MGAT3: variants seen among roughly 807,000 people sequenced by gnomAD.
MGAT3 encodes the protein GlcNAc-T III.
In MGAT3, 9 loss-of-function variants were observed where a neutral mutation model predicts 29.8. The observed-to-expected ratio is 0.30, with a 90% CI of 0.18 to 0.53. The LOEUF (loss-of-function observed/expected upper bound fraction) is 0.53. MGAT3 is among the 20% of genes least tolerant of loss of function. The probability of loss-of-function intolerance (pLI) is 0.96; values close to 1 mark genes in which losing one functional copy is unlikely to be tolerated. For missense variants in MGAT3, 557 were observed against 769.5 expected (o/e 0.72, Z 3.27); for synonymous variants, 397 against 348.9 (o/e 1.14, Z -1.54).
At chr22:39,466,544 A>G (rs1423667488) in intron 1 of MGAT3, among the ~76,000 whole-genome samples, 1 of 151,888 alleles carries the variant, frequency 6.6e-6, no homozygotes, top group Non-Finnish European at 1.5e-5. Context: ...TGTGAGCCTC[A>G]CCTTCCTACT....
At chr22:39,469,148 GGGGAGGGGCCC>G in intron 1 of MGAT3, among the ~76,000 whole-genome samples, 1 of 150,964 alleles carries the variant, frequency 6.6e-6, no homozygotes, top group African/African-American at 2.4e-5. Flanking sequence ...GCAGGTGGGT[GGGGAGGGGCCC>G]AGATTTGGGA....
In MGAT3 at chr22:39,488,724, C is replaced by T. The variant is rs1401604715; in HGVS notation, c.1377C>T (p.Ile459=). 1 of 1,613,822 alleles carries T rather than the reference C, an allele frequency of 6.2e-7. No homozygotes were observed. The highest frequency in any genetic ancestry group is 1.3e-5 in the African/African-American group (1 of 75,066). The change falls in exon 2 of 2, where the codon ATC becomes ATT. Residue 459 remains isoleucine (I), a synonymous_variant. Coordinates refer to ENST00000341184, the MANE Select transcript of MGAT3 (RefSeq NM_002409.5). ...KRDLNYIRGL[I]RTGGWFDGTQ... is the part of the protein sequence containing the mutation. ...ACCTGAACTACATCCGCGGCCTGAT[C>T]CGCACCGGGGGCTGGTTCGACGGCA...
intron 1 of MGAT3, among the ~76,000 whole-genome samples, chr22:39,462,074 G>C (rs1303744854): frequency 6.6e-6 from 1 of 152,000 alleles, no homozygotes; most frequent in Non-Finnish European, 1.5e-5. Context: ...GCTAATTTTT[G>C]TATTTTTAGT....
chr22:39,485,162 G>A (rs575964822), intron 1 of MGAT3, among the ~76,000 whole-genome samples: 149 of 152,248 alleles, frequency 9.8e-4, no homozygotes, highest in Non-Finnish European at 1.9e-3. Context: ...GGTTCCCCCC[G>A]GACAGGTCAC....
At position 39,487,732 on chromosome 22, in the gene MGAT3, C is replaced by G; in HGVS notation, c.385C>G (p.Pro129Ala). Residue 129 changes from proline (P) to alanine (A), a missense_variant, in exon 2 of 2, where the codon CCC becomes GCC. Pro to Ala is a conservative substitution (Grantham distance 27). Coordinates refer to ENST00000341184, the MANE Select transcript of MGAT3 (RefSeq NM_002409.5). The surrounding 1 kb of genome is among the most constrained non-coding windows in gnomAD (Gnocchi z 5.7). ...KPGTKMLERP[P>A]PGRPEEKPEG... ...CGGCACCAAGATGCTGGAGAGGCCG[C>G]CCCCGGGACGGCCGGAGGAGAAGCC... The G allele has an allele frequency of 3.2e-6, 5 of 1,548,346 alleles. No individual in the cohort carries two copies. The highest frequency in any genetic ancestry group is 4.3e-6 in the Non-Finnish European group (5 of 1,150,844).
intron 1 of MGAT3, among the ~76,000 whole-genome samples, chr22:39,463,834 G>A (rs1928562740): frequency 6.6e-6 from 1 of 151,854 alleles, no homozygotes; most frequent in Non-Finnish European, 1.5e-5. Context: ...AAGATCACTT[G>A]AGCCCAGGAG....
chr22:39,489,069 G>T lies in MGAT3; in HGVS notation c.*120G>T. 2 of 1,149,764 alleles carry T rather than the reference G, an allele frequency of 1.7e-6. No homozygotes were observed. Among genetic ancestry groups the T allele is most frequent in the Admixed American group, 3.0e-5 (1 of 33,616 alleles). 71.2% of individuals were successfully genotyped at this position (1,149,764 alleles called of 1,614,324 possible). A position where few individuals can be genotyped will look rare whatever the true frequency, so the allele number is the denominator to read the frequency against. ...GGGACCAGGAGTGGGTGGGGAGTGG[G>T]GGTGGGGGTAGGGTTTCCCTACTGA... is the stretch of plus-strand genomic sequence containing the variant. On this transcript the variant is annotated 3_prime_UTR_variant, in exon 2 of 2. Transcript: ENST00000341184.
intron 1 of MGAT3, chr22:39,486,035 G>C (rs1929260854): frequency 6.1e-6 from 2 of 327,586 alleles, no homozygotes; most frequent in Non-Finnish European, 1.2e-5. Flanking sequence ...ATCTATCATT[G>C]ATTGAGGAAA....
chr22:39,488,700 C>T lies in MGAT3; in HGVS notation c.1353C>T (p.Asp451=). 1.2e-6 allele frequency: 2 copies of T among 1,613,884 alleles called. No homozygotes were observed. Among genetic ancestry groups the T allele is most frequent in the Non-Finnish European group, 1.7e-6 (2 of 1,180,022 alleles). Residue 451 remains aspartate, a synonymous_variant, in exon 2 of 2, where the codon GAC becomes GAT. Transcript: ENST00000341184. ...GGGGTGACTACGAGGACAAGCGGGA[C>T]CTGAACTACATCCGCGGCCTGATCC... ...PRWGDYEDKR[D]LNYIRGLIRT... is the part of the protein sequence containing the mutation.
At chr22:39,481,378 C>T (rs1030125708) in intron 1 of MGAT3, among the ~76,000 whole-genome samples, 8 of 152,218 alleles carry the variant, frequency 5.3e-5, no homozygotes, top group Admixed American at 6.5e-5. Flanking sequence ...CCTCTTTGGG[C>T]GCGCAGTTTT....
At chr22:39,485,816 C>CA (rs1026044678) in intron 1 of MGAT3, among the ~76,000 whole-genome samples, 12 of 151,924 alleles carry the variant, frequency 7.9e-5, no homozygotes, top group Admixed American at 3.9e-4. Context: ...CAAAAACACA[C>CA]AAAAAAAATT....
intron 1 of MGAT3, among the ~76,000 whole-genome samples, chr22:39,470,738 T>C (rs950026911): frequency 2.0e-5 from 3 of 152,070 alleles, no homozygotes; most frequent in African/African-American, 7.2e-5. Flanking sequence ...AGGACTGGCC[T>C]GTGTCAAGAC....
In MGAT3 at chr22:39,488,026, G is replaced by C; in HGVS notation, c.679G>C (p.Glu227Gln). Residue 227 changes from glutamate (E) to glutamine (Q), a missense_variant, in exon 2 of 2, where the codon GAG (glutamate) becomes CAG (glutamine). Coordinates refer to ENST00000341184, the MANE Select transcript of MGAT3 (RefSeq NM_002409.5). ...CGACCTGCTGGACGTGCGCTTCCAC[G>C]AGCTGGGCGACGTGGTGGACGCCTT... ...EFDLLDVRFH[E>Q]LGDVVDAFVV... 1 of 1,613,234 alleles carries C rather than the reference G, an allele frequency of 6.2e-7. No individual in the cohort carries two copies. The highest frequency in any genetic ancestry group is 8.5e-7 in the Non-Finnish European group (1 of 1,179,826).
chr22:39,469,679 C>T (rs940330769), intron 1 of MGAT3, among the ~76,000 whole-genome samples: 15 of 152,250 alleles, frequency 9.9e-5, no homozygotes, highest in African/African-American at 3.6e-4. Flanking sequence ...GAGAAGACCC[C>T]AAAGGATGGG....
intron 1 of MGAT3, among the ~76,000 whole-genome samples, chr22:39,467,741 C>T (rs189978922): frequency 1.6e-3 from 227 of 145,426 alleles, no homozygotes; most frequent in Non-Finnish European, 2.3e-3. Flanking sequence ...CGTTTCGTTT[C>T]GTTTCTTTCA....
intron 1 of MGAT3, among the ~76,000 whole-genome samples, chr22:39,461,215 G>A (rs889735254): frequency 6.6e-6 from 1 of 152,118 alleles, no homozygotes; most frequent in Non-Finnish European, 1.5e-5. Flanking sequence ...GGCATTCAGC[G>A]GGTGCTTAAT....
Position 39,488,053 on chromosome 22 carries a change from G to A in MGAT3, c.706G>A (p.Val236Met), listed in dbSNP as rs750724600. 3.1e-6 allele frequency: 5 copies of A among 1,612,936 alleles called. No homozygotes were observed. The highest frequency in any genetic ancestry group is 4.5e-5 in the East Asian group (2 of 44,862). ...HELGDVVDAF[V>M]VCESNFTAYG... The stretch of plus-strand genomic sequence containing the variant: ...GCTGGGCGACGTGGTGGACGCCTTT[G>A]TGGTGTGCGAGTCCAACTTCACGGC... The change falls in exon 2 of 2, where the codon GTG (valine) becomes ATG (methionine). Residue 236 changes from valine (V) to methionine (M), a missense_variant. Physicochemically the swap from Val to Met is conservative, Grantham distance 21 (BLOSUM62 1). Around this residue, in one of 3 missense-constraint regions of MGAT3, gnomAD observed 243 missense variants for 444.0 expected, o/e 0.55. Transcript: ENST00000341184.
At chr22:39,466,480 T>C (rs1165904107) in intron 1 of MGAT3, among the ~76,000 whole-genome samples, 1 of 152,198 alleles carries the variant, frequency 6.6e-6, no homozygotes, top group African/African-American at 2.4e-5. Flanking sequence ...CCAGCCTCTT[T>C]CTTCCCCCGC....
rs548079786 is a variant in MGAT3, at chr22:39,489,009, T to C, written c.*60T>C. The C allele has an allele frequency of 8.5e-4, 1,153 of 1,349,922 alleles. 2 individuals carry two copies. Among genetic ancestry groups the C allele is most frequent in the Admixed American group, 1.1e-3 (42 of 38,812 alleles). 83.6% of individuals were successfully genotyped at this position (1,349,922 alleles called of 1,614,324 possible). On this transcript the variant is annotated 3_prime_UTR_variant, in exon 2 of 2. Coordinates refer to ENST00000341184, the MANE Select transcript of MGAT3 (RefSeq NM_002409.5). ...GGGGTGGCGGCGGCCCCTAGCGCTA[T>C]CTCCCTGCCTCCTGCCGGCTCCTTG...
Sources: gnomAD v4.1 joint callset for allele counts (sites outside exome capture counted in the v4.1 genomes callset) on GRCh38, gnomAD v4.1.1 for gene constraint, gnomAD v4.1.1 regional missense constraint, Gnocchi (gnomAD v3.1) non-coding constraint, MANE v1.5 for transcripts, NCBI Gene and HGNC (gene_info 2026-07-23, HGNC 2026-07-21) for gene names.